Variants in CRB1 observed in about 807,000 individuals in gnomAD.
CRB1 encodes protein crumbs homolog 1.
CRB1 carries 83 observed loss-of-function variants against 120.0 expected under a neutral mutation model. The ratio of observed to expected loss-of-function variants is 0.69; its 90% CI spans 0.58 to 0.83. The LOEUF is 0.83. Ranked by LOEUF, CRB1 falls within the 40% of genes least tolerant of loss-of-function variation. The pLI is 0.00. For synonymous variants in CRB1, 625 were observed against 612.5 expected (o/e 1.02, Z -0.30); for missense variants, 1,699 against 1,687.6 (o/e 1.01, Z -0.12).
At chr1:197,313,297 A>T (rs932158898) in intron 1 of CRB1, among the ~76,000 whole-genome samples, 2 of 152,214 alleles carry the variant, frequency 1.3e-5, no homozygotes, top group Non-Finnish European at 2.9e-5. Context: ...ACAATTCAAC[A>T]TAAGATTTGG....
intron 1 of CRB1, among the ~76,000 whole-genome samples, chr1:197,323,774 C>T (rs1658338332): frequency 1.3e-5 from 2 of 152,112 alleles, no homozygotes; most frequent in Non-Finnish European, 2.9e-5. Flanking sequence ...TGGTCCCTTA[C>T]CCTACCTAAC....
intron 5 of CRB1, among the ~76,000 whole-genome samples, chr1:197,394,178 G>T (rs2759661): frequency 6.6e-6 from 1 of 151,934 alleles, no homozygotes; most frequent in African/African-American, 2.4e-5. Context: ...CACTTCCTCT[G>T]TAGCCTACTT....
In CRB1 at chr1:197,442,184, T is replaced by A. The variant is rs1295799567; in HGVS notation, c.3897T>A (p.Asp1299Glu). ...FTGEWCEKDI[D>E]ECASDPCVNG... is the part of the protein sequence containing the mutation. Reference sequence around the variant, plus strand: ...TTTGAAGGTGTGAAAAGGACATTGATGAGTGTGCCTCTGATCCGTGTGTCA... The same window carrying A: ...TTTGAAGGTGTGAAAAGGACATTGAAGAGTGTGCCTCTGATCCGTGTGTCA... The change falls in exon 11 of 12, where the codon GAT (aspartate) becomes GAA (glutamate). Residue 1299 changes from aspartate (D) to glutamate (E), a missense_variant. Transcript: ENST00000367400. 12 of 1,614,172 alleles carry A rather than the reference T, an allele frequency of 7.4e-6. No homozygotes were observed. Among genetic ancestry groups the A allele is most frequent in the Non-Finnish European group, 1.0e-5 (12 of 1,180,008 alleles).
Position 197,328,409 on chromosome 1 carries a change from T to A in CRB1, c.71-13T>A. 6.3e-7 allele frequency: 1 copy of A among 1,589,272 alleles called. No homozygotes were observed. The highest frequency in any genetic ancestry group is 8.6e-7 in the Non-Finnish European group (1 of 1,158,650). On this transcript the variant is annotated splice_polypyrimidine_tract_variant and intron_variant, in intron 1 of 11. Coordinates refer to ENST00000367400, the MANE Select transcript of CRB1 (RefSeq NM_201253.3). ...TTATAAATTTAATCTTGTTACTTTT[T>A]ATTTCCTTGTAGATTCCTTTTGCAA...
At chr1:197,250,136 T>C in the CRB1 span, among the ~76,000 whole-genome samples, 8 of 152,044 alleles carry the variant, frequency 5.3e-5, no homozygotes, top group African/African-American at 1.9e-4. Context: ...CCACTCCAAA[T>C]CATGTAGTCA....
chr1:197,375,243 A>G (rs1252667943), intron 5 of CRB1, among the ~76,000 whole-genome samples: 2 of 152,156 alleles, frequency 1.3e-5, no homozygotes, highest in Non-Finnish European at 2.9e-5. Flanking sequence ...AAATGACTAT[A>G]TTACTCACAG....
At chr1:197,390,800 A>G (rs1662467092) in intron 5 of CRB1, among the ~76,000 whole-genome samples, 1 of 152,024 alleles carries the variant, frequency 6.6e-6, no homozygotes, top group South Asian at 2.1e-4. Context: ...AGGAGCTTCT[A>G]TTTGATTCTT....
intron 6 of CRB1, among the ~76,000 whole-genome samples, chr1:197,425,258 T>C (rs1353677330): frequency 6.6e-6 from 1 of 152,206 alleles, no homozygotes; most frequent in Non-Finnish European, 1.5e-5. Flanking sequence ...CAGTACACTT[T>C]TGAAAGCTAC....
chr1:197,284,804 T>G (rs1485203083), intron 1 of CRB1, among the ~76,000 whole-genome samples: 2 of 148,214 alleles, frequency 1.3e-5, no homozygotes, highest in East Asian at 3.9e-4. Flanking sequence ...ATTCTGATAT[T>G]GTAATTTAAA....
the CRB1 span, among the ~76,000 whole-genome samples, chr1:197,250,817 A>C: frequency 5.3e-5 from 8 of 152,004 alleles, no homozygotes; most frequent in Non-Finnish European, 1.2e-4. Flanking sequence ...CAGTCAGAAG[A>C]AGCCCTGTTT....
intron 6 of CRB1, among the ~76,000 whole-genome samples, chr1:197,423,806 A>G (rs757487758): frequency 3.9e-5 from 6 of 152,218 alleles, no homozygotes; most frequent in Non-Finnish European, 8.8e-5. Context: ...GTGGCTGACT[A>G]AACACAAAAG....
intron 1 of CRB1, among the ~76,000 whole-genome samples, chr1:197,269,296 A>G (rs2125195230): frequency 6.6e-6 from 1 of 152,328 alleles, no homozygotes; most frequent in Non-Finnish European, 1.5e-5. Context: ...GAACAAGACA[A>G]CTTGGCATTA....
chr1:197,246,652 A>T, the CRB1 span, among the ~76,000 whole-genome samples: 2 of 152,232 alleles, frequency 1.3e-5, no homozygotes, highest in East Asian at 3.9e-4. Flanking sequence ...ATTTTAGATA[A>T]TTAAGTGATT....
intron 11 of CRB1, among the ~76,000 whole-genome samples, chr1:197,455,548 C>G (rs1453734114): frequency 3.9e-5 from 6 of 151,958 alleles, no homozygotes; most frequent in Non-Finnish European, 1.5e-5. Context: ...ACTTACATTG[C>G]CTTTAGGAAA....
chr1:197,224,903 T>C, the CRB1 span, among the ~76,000 whole-genome samples: 1 of 152,118 alleles, frequency 6.6e-6, no homozygotes, highest in Non-Finnish European at 1.5e-5. Context: ...ACAAACTTTC[T>C]TTTATTATAT....
chr1:197,427,754 C>T lies in CRB1; in HGVS notation c.2429C>T (p.Ser810Phe). ...CCATATAAAATTGAACTGTATCAGT[C>T]TTCACAAAACCTAGGATTTATTTCT... ...IKPYKIELYQ[S>F]SQNLGFISAS... Residue 810 changes from serine to phenylalanine, a missense_variant, in exon 7 of 12, where the codon TCT (serine) becomes TTT (phenylalanine). Ser to Phe is a radical substitution (Grantham distance 155, BLOSUM62 -2). Transcript: ENST00000367400. The T allele has an allele frequency of 6.2e-7, 1 of 1,613,930 alleles. No individual in the cohort carries two copies. The highest frequency in any genetic ancestry group is 1.7e-4 in the Middle Eastern group (1 of 6,060).
chr1:197,300,138 G>A (rs1189296560), intron 1 of CRB1, among the ~76,000 whole-genome samples: 4 of 151,734 alleles, frequency 2.6e-5, no homozygotes, highest in Non-Finnish European at 4.4e-5. Context: ...TATTCCCTGA[G>A]ACTAAACAAT....
chr1:197,211,568 T>C, the CRB1 span, among the ~76,000 whole-genome samples: 1 of 152,138 alleles, frequency 6.6e-6, no homozygotes, highest in African/African-American at 2.4e-5. Flanking sequence ...CCTAAGCTAG[T>C]TACTTCTGGT....
At chr1:197,461,012 A>G (rs1009925656) in intron 11 of CRB1, among the ~76,000 whole-genome samples, 1 of 152,134 alleles carries the variant, frequency 6.6e-6, no homozygotes, top group African/African-American at 2.4e-5. Flanking sequence ...TGTTTTTACC[A>G]TTAGGTCCTG....
Sources: allele counts gnomAD v4.1 joint callset (sites outside exome capture counted in the v4.1 genomes callset), GRCh38; gene constraint gnomAD v4.1.1; transcripts MANE v1.5; gene names NCBI Gene and HGNC (gene_info 2026-07-23, HGNC 2026-07-21).